Variants in SLURP2 observed in about 807,000 individuals in gnomAD.
SLURP2 encodes the protein secreted LY6/PLAUR domain containing 2.
A neutral mutation model predicts 9.8 loss-of-function variants in SLURP2; 4 were observed. The ratio of observed to expected loss-of-function variants is 0.41; its 90% CI spans 0.20 to 0.94. The LOEUF (loss-of-function observed/expected upper bound fraction) is 0.94, where lower values mean the gene tolerates loss of function less well. Among genes scored for constraint, SLURP2 ranks in the 40% least tolerant of loss-of-function variants. The pLI, the probability that SLURP2 is intolerant of heterozygous loss-of-function variation, is 0.32. For missense variants in SLURP2, 118 were observed against 126.4 expected (o/e 0.93, Z 0.32); for synonymous variants, 58 against 56.2 (o/e 1.03, Z -0.15).
intron 1 of SLURP2, among the ~76,000 whole-genome samples, chr8:142,767,582 C>T (rs1449066171): frequency 1.3e-5 from 2 of 152,208 alleles, no homozygotes; most frequent in Non-Finnish European, 2.9e-5. Context: ...CCAAGGCCTC[C>T]CTGGCTTTGA....
At chr8:142,766,984 C>G (rs1165711749) in intron 1 of SLURP2, among the ~76,000 whole-genome samples, 1 of 152,232 alleles carries the variant, frequency 6.6e-6, no homozygotes, top group African/African-American at 2.4e-5. Flanking sequence ...GCTGCCCCCG[C>G]CTCACTGTTG....
rs1280609320 is a variant in SLURP2 at position 142,764,384 on chromosome 8, C to T, written c.*221G>A. 18 of 662,792 alleles carry T rather than the reference C, an allele frequency of 2.7e-5. No homozygotes were observed. In the East Asian group the frequency reaches 3.3e-4, roughly 12 times the overall value. The allele number at this position is 662,792 out of a possible 1,614,324, so 41.1% of individuals were successfully genotyped here. On this transcript the variant is annotated 3_prime_UTR_variant, in exon 3 of 3. Coordinates refer to ENST00000317543, the MANE Select transcript of SLURP2 (RefSeq NM_177458.3). Reference sequence around the variant, plus strand: ...CATTTTATTGTGGGGAGGTCGGGACCTGAAGGGGCGGCAGGCACGATGGGC... The same window carrying T: ...CATTTTATTGTGGGGAGGTCGGGACTTGAAGGGGCGGCAGGCACGATGGGC...
intron 2 of SLURP2, 35 bp from the exon 3 acceptor site, chr8:142,764,776 G>A (rs1479746679): frequency 6.2e-7 from 1 of 1,609,260 alleles, no homozygotes; most frequent in Non-Finnish European, 8.5e-7. Context: ...GGAGCTCCCT[G>A]AGGCTCTGGT....
At chr8:142,767,438 C>A (rs1393474039) in intron 1 of SLURP2, among the ~76,000 whole-genome samples, 1 of 152,228 alleles carries the variant, frequency 6.6e-6, no homozygotes, top group Non-Finnish European at 1.5e-5. Context: ...CAGGCCACAG[C>A]TGGCTGGGGT....
intron 1 of SLURP2, among the ~76,000 whole-genome samples, chr8:142,767,138 T>G (rs772884896): frequency 6.6e-6 from 1 of 152,204 alleles, no homozygotes; most frequent in Non-Finnish European, 1.5e-5. Flanking sequence ...GCCAGAGTCC[T>G]CTGGTCACCC....
rs1815063132 is a variant in SLURP2 at position 142,768,228 on chromosome 8, G to A, written c.52+1527C>T. On this transcript the variant is annotated intron_variant, in intron 1 of 2. Transcript: ENST00000317543. The surrounding 1 kb of genome is among the most constrained non-coding windows in gnomAD (Gnocchi z 4.8). ...AGGAATAGAGAGGAGGAGGGAGGTG[G>A]GGTGGGGGGGAGGGGGCAGGAATAA... 7.0e-6 allele frequency among the ~76,000 whole-genome samples: 1 copy of A among 142,630 alleles called. No homozygotes were observed. The highest frequency in any genetic ancestry group is 1.5e-5 in the Non-Finnish European group (1 of 65,314). The allele number at this position is 142,630 out of a possible 152,430, so 93.6% of individuals were successfully genotyped here.
At position 142,764,407 on chromosome 8, in the gene SLURP2, G is replaced by C; in HGVS notation, c.*198C>G. The stretch of plus-strand genomic sequence containing the variant: ...ACCTGAAGGGGCGGCAGGCACGATG[G>C]GCCCCAGGCTTGGACGGCAGCAGAT... On this transcript the variant is annotated 3_prime_UTR_variant, in exon 3 of 3. Transcript: ENST00000317543. The C allele has an allele frequency of 1.5e-6, 1 of 689,614 alleles. No homozygotes were observed. The highest frequency in any genetic ancestry group is 2.6e-6 in the Non-Finnish European group (1 of 389,662). The allele number at this position is 689,614 out of a possible 1,614,324, so 42.7% of individuals were successfully genotyped here. A position where few individuals can be genotyped will look rare whatever the true frequency, so the allele number is the denominator to read the frequency against.
chr8:142,765,806 T>C (rs371444543), intron 1 of SLURP2, among the ~76,000 whole-genome samples: 188 of 151,520 alleles, frequency 1.2e-3, no homozygotes, highest in African/African-American at 4.3e-3. Context: ...ACTAAAAATA[T>C]AAAAACATTA....
Position 142,764,463 on chromosome 8 carries a change from G to A in SLURP2, c.*142C>T. On this transcript the variant is annotated 3_prime_UTR_variant, in exon 3 of 3. Transcript: ENST00000317543. ...CAAGACTCCACGCAGGACTTCCCTAGGACAAGCGGTGCTGGACGGTGGCTG... is the reference window on the plus strand; with the variant it reads ...CAAGACTCCACGCAGGACTTCCCTAAGACAAGCGGTGCTGGACGGTGGCTG... 1 of 906,284 alleles carries A rather than the reference G, an allele frequency of 1.1e-6. No homozygotes were observed. 56.1% of individuals were successfully genotyped at this position (906,284 alleles called of 1,614,324 possible).
Position 142,765,032 on chromosome 8 carries a change from T to C in SLURP2, c.157+4A>G, listed in dbSNP as rs767814241. On this transcript the variant is annotated splice_donor_region_variant and intron_variant, in intron 2 of 2. Coordinates refer to ENST00000317543, the MANE Select transcript of SLURP2 (RefSeq NM_177458.3). The stretch of plus-strand genomic sequence containing the variant: ...GTGGCCAGCCCACCACTGTTCCCAC[T>C]TACGGGTGGCAGTGGTGACACAGTG... The C allele has an allele frequency of 6.2e-7, 1 of 1,607,898 alleles. No homozygotes were observed. Among genetic ancestry groups the C allele is most frequent in the East Asian group, 2.2e-5 (1 of 44,802 alleles).
At chr8:142,769,626 G>A in intron 1 of SLURP2, 129 bp downstream of exon 1, 1 of 787,128 alleles carries the variant, frequency 1.3e-6, no homozygotes, top group Non-Finnish European at 2.0e-6. Context: ...AGCTGCACCT[G>A]GTAGATGGTG....
At position 142,764,741 on chromosome 8, in the gene SLURP2, CCT is replaced by C. The variant is rs753503011; in HGVS notation, c.158-2_158-1del. On this transcript the variant is annotated splice_acceptor_variant, in intron 2 of 2. Coordinates refer to ENST00000317543, the MANE Select transcript of SLURP2 (RefSeq NM_177458.3). LOFTEE classifies it high-confidence loss of function. ...CAAATCCTCGGTGTTGCTGAGGACC[CCT>C]GAGTGGGCAGGAGAGAAACCATGGA... 8 of 1,613,082 alleles carry C rather than the reference CCT, an allele frequency of 5.0e-6. No individual in the cohort carries two copies. Among genetic ancestry groups the C allele is most frequent in the Non-Finnish European group, 5.9e-6 (7 of 1,179,692 alleles).
intron 1 of SLURP2, among the ~76,000 whole-genome samples, chr8:142,769,200 G>A (rs891059079): frequency 2.0e-5 from 3 of 150,850 alleles, no homozygotes; most frequent in African/African-American, 2.4e-5. Flanking sequence ...CGTAGCAGAC[G>A]TGGGCACTGC....
intron 1 of SLURP2, chr8:142,766,187 C>T (rs928890843): frequency 2.6e-5 from 4 of 152,236 alleles, no homozygotes; most frequent in African/African-American, 9.6e-5. Flanking sequence ...AGGTCACAGA[C>T]AGAGAAACTC....
chr8:142,769,609 G>A (rs587616967), intron 1 of SLURP2, 146 bp downstream of exon 1: 24 of 690,914 alleles, frequency 3.5e-5, no homozygotes, highest in Admixed American at 5.3e-5. Flanking sequence ...GGAGGCTTTC[G>A]GAGGAAAGCT....
chr8:142,764,507 G>A lies in SLURP2; in HGVS notation c.*98C>T, dbSNP rs867630893. 3 of 1,256,958 alleles carry A rather than the reference G, an allele frequency of 2.4e-6. No homozygotes were observed. The highest frequency in any genetic ancestry group is 2.1e-5 in the Admixed American group (1 of 46,554). The allele number at this position is 1,256,958 out of a possible 1,614,324, so 77.9% of individuals were successfully genotyped here. ...GTGGCTGCAGAGGCCGGGAGAGGTG[G>A]GCTGGCCAGTCTCGAGGGAGGGGCA... On this transcript the variant is annotated 3_prime_UTR_variant, in exon 3 of 3. Transcript: ENST00000317543.
rs1336644321 is a variant in SLURP2 at position 142,765,060 on chromosome 8, T to C, written c.133A>G (p.Thr45Ala). 6.2e-7 allele frequency: 1 copy of C among 1,612,482 alleles called. No individual in the cohort carries two copies. Among genetic ancestry groups the C allele is most frequent in the Admixed American group, 1.7e-5 (1 of 59,946 alleles). ...CGGGTGGCAGTGGTGACACAGTGGG[T>C]GGAGTCCCTCAGGCATCTGGATCCA... ...SHGSRCLRDSTHCVTTATRVL... is the reference protein window; with the variant it reads ...SHGSRCLRDSAHCVTTATRVL... The change falls in exon 2 of 3, where the codon ACC becomes GCC. Residue 45 changes from threonine (T) to alanine (A), a missense_variant. Transcript: ENST00000317543.
chr8:142,765,191 G>T, intron 1 of SLURP2, 51 bp from the exon 2 acceptor site: 1 of 1,439,162 alleles, frequency 6.9e-7, no homozygotes, highest in African/African-American at 1.4e-5. Context: ...GCAGGTGTGG[G>T]CCACCTTCTG....
At position 142,769,771 on chromosome 8, in the gene SLURP2, G is replaced by A. The variant is rs767467080; in HGVS notation, c.36C>T (p.Val12=). The A allele has an allele frequency of 2.5e-6, 4 of 1,603,168 alleles. No homozygotes were observed. In the Admixed American group the frequency reaches 5.1e-5, roughly 21 times the overall value. Residue 12 remains valine (V), a synonymous_variant, in exon 1 of 3, where the codon GTC becomes GTT. Coordinates refer to ENST00000317543, the MANE Select transcript of SLURP2 (RefSeq NM_177458.3). ...QLGTGLLLAA[V]LSLQLAAAEA... The stretch of plus-strand genomic sequence containing the variant: ...TGGACTCACCCAGCTGCAGGCTCAG[G>A]ACGGCGGCCAGCAGGAGCCCAGTGC...
Sources: allele counts gnomAD v4.1 joint callset (sites outside exome capture counted in the v4.1 genomes callset), GRCh38; gene constraint gnomAD v4.1.1; non-coding constraint Gnocchi (gnomAD v3.1); transcripts MANE v1.5; gene names NCBI Gene and HGNC (gene_info 2026-07-23, HGNC 2026-07-21).